The following PEBP4 variants were observed in gnomAD, a reference collection of about 807,000 sequenced individuals.
PEBP4 encodes phosphatidylethanolamine binding protein 4, also known as phosphatidylethanolamine-binding protein 4.
Under a neutral mutation model 23.9 loss-of-function variants are expected in PEBP4, and 22 were observed. That is an observed-to-expected ratio of 0.92 (90% CI 0.66 to 1.31). PEBP4 has a LOEUF of 1.31. Ranked by LOEUF, PEBP4 falls within the 40% of genes most tolerant of loss-of-function variation. The probability of loss-of-function intolerance (pLI) is 0.00; values close to 1 mark genes in which losing one functional copy is unlikely to be tolerated. For synonymous variants in PEBP4, 112 were observed against 99.3 expected (o/e 1.13, Z -0.76); for missense variants, 324 against 281.7 (o/e 1.15, Z -1.07).
chr8:22,813,237 G>A (rs1360335750), intron 4 of PEBP4, among the ~76,000 whole-genome samples: 1 of 152,162 alleles, frequency 6.6e-6, no homozygotes, highest in Admixed American at 6.5e-5. Context: ...AGTTGCCAAA[G>A]GTTGAGGGCA....
At chr8:22,868,249 T>C (rs1186734725) in intron 3 of PEBP4, among the ~76,000 whole-genome samples, 2 of 152,168 alleles carry the variant, frequency 1.3e-5, no homozygotes, top group Non-Finnish European at 2.9e-5. Flanking sequence ...TTCTTACTGC[T>C]TTTTAGTAGT....
chr8:22,817,033 C>T (rs1806757444), intron 4 of PEBP4, among the ~76,000 whole-genome samples: 1 of 152,214 alleles, frequency 6.6e-6, no homozygotes. Flanking sequence ...CACAAACAAG[C>T]CACCAGATTT....
rs1209106841 is a variant in PEBP4 at position 22,898,405 on chromosome 8, A to C, written c.258+21779T>G. 1.0e-3 allele frequency among the ~76,000 whole-genome samples: 142 copies of C among 140,636 alleles called. 3 individuals carry two copies. Among genetic ancestry groups the C allele is most frequent in the African/African-American group, 3.0e-3 (110 of 37,138 alleles). The allele number at this position is 140,636 out of a possible 152,430, so 92.3% of individuals were successfully genotyped here. A position where few individuals can be genotyped will look rare whatever the true frequency, so the allele number is the denominator to read the frequency against. ...AGACTCCACCCCAAAAAAAAAAAAA[A>C]AAAAAAAAAAAAAAAAAAAAAAAAA... On this transcript the variant is annotated intron_variant, in intron 3 of 6. Coordinates refer to ENST00000256404, the MANE Select transcript of PEBP4 (RefSeq NM_144962.3).
intron 3 of PEBP4, among the ~76,000 whole-genome samples, chr8:22,873,307 A>G (rs1276435523): frequency 6.6e-6 from 1 of 152,162 alleles, no homozygotes; most frequent in Non-Finnish European, 1.5e-5. Context: ...TTTTCCATTT[A>G]CGTTAAGTTC....
At chr8:22,723,965 G>GGAAAT (rs1453694792) in intron 6 of PEBP4, among the ~76,000 whole-genome samples, 1 of 152,200 alleles carries the variant, frequency 6.6e-6, no homozygotes, top group African/African-American at 2.4e-5. Flanking sequence ...CTGGGTGAGA[G>GGAAAT]GAAATGGCTG....
chr8:22,860,667 G>C (rs1807757615), intron 3 of PEBP4, among the ~76,000 whole-genome samples: 1 of 152,128 alleles, frequency 6.6e-6, no homozygotes, highest in Non-Finnish European at 1.5e-5. Flanking sequence ...TATCTTCAAA[G>C]CTTAAAACCC....
chr8:22,822,674 C>T (rs1403590778), intron 3 of PEBP4, among the ~76,000 whole-genome samples: 1 of 151,632 alleles, frequency 6.6e-6, no homozygotes, highest in Non-Finnish European at 1.5e-5. Flanking sequence ...TAATAATAGT[C>T]CTAAAGTATA....
intron 4 of PEBP4, among the ~76,000 whole-genome samples, chr8:22,751,230 C>T (rs1454382639): frequency 6.6e-6 from 1 of 152,094 alleles, no homozygotes; most frequent in Non-Finnish European, 1.5e-5. Context: ...TAAGATCCCA[C>T]GAGTAGGAGA....
chr8:22,918,070 T>G (rs746805330), intron 3 of PEBP4, among the ~76,000 whole-genome samples: 1 of 152,236 alleles, frequency 6.6e-6, no homozygotes, highest in Non-Finnish European at 1.5e-5. Context: ...GTTGACTTTT[T>G]GTCACATGCC....
intron 4 of PEBP4, among the ~76,000 whole-genome samples, chr8:22,750,102 A>G (rs1038321700): frequency 4.6e-5 from 7 of 151,124 alleles, no homozygotes; most frequent in Non-Finnish European, 1.0e-4. Flanking sequence ...CACCGCACCC[A>G]GCCTTTCTTT....
At chr8:22,736,684 T>G (rs1481829267) in intron 4 of PEBP4, among the ~76,000 whole-genome samples, 1 of 152,244 alleles carries the variant, frequency 6.6e-6, no homozygotes, top group Non-Finnish European at 1.5e-5. Flanking sequence ...TACTATGCAC[T>G]GATATCACTT....
chr8:22,931,939 T>C (rs556800892), upstream of PEBP4, among the ~76,000 whole-genome samples: 8 of 152,350 alleles, frequency 5.3e-5, no homozygotes, highest in East Asian at 1.5e-3. Flanking sequence ...CTTGCTAACA[T>C]CTTCAATTTC....
At chr8:22,938,706 C>G (rs989809769) in intron 1 of PEBP4, among the ~76,000 whole-genome samples, 3 of 152,062 alleles carry the variant, frequency 2.0e-5, no homozygotes, top group Non-Finnish European at 2.9e-5. Context: ...CACTTCCCCC[C>G]CATTATAGAT....
intron 4 of PEBP4, among the ~76,000 whole-genome samples, chr8:22,795,176 T>A (rs868312085): frequency 0.28 from 20,862 of 74,016 alleles, 2,900 homozygotes; most frequent in Non-Finnish European, 0.34. Flanking sequence ...TTTTTTTTTT[T>A]TTTTTTTTTT....
intron 4 of PEBP4, among the ~76,000 whole-genome samples, chr8:22,812,246 A>G (rs778913884): frequency 1.3e-5 from 2 of 152,148 alleles, no homozygotes; most frequent in African/African-American, 2.4e-5. Context: ...CATAACTAGA[A>G]AGCAGGGAGC....
intron 3 of PEBP4, chr8:22,885,081 A>C (rs1257004688): frequency 6.6e-6 from 1 of 152,160 alleles, no homozygotes; most frequent in Non-Finnish European, 1.5e-5. Context: ...TTTTTGCACC[A>C]AGTGGTGCAT....
chr8:22,767,527 A>C (rs1248297145), intron 4 of PEBP4, among the ~76,000 whole-genome samples: 2 of 152,210 alleles, frequency 1.3e-5, no homozygotes, highest in Non-Finnish European at 2.9e-5. Context: ...CTACGATAGA[A>C]TACTATGATT....
chr8:22,747,268 T>G (rs1010911830), intron 4 of PEBP4, among the ~76,000 whole-genome samples: 3 of 152,248 alleles, frequency 2.0e-5, no homozygotes, highest in Non-Finnish European at 4.4e-5. Context: ...AAGTGCTGGA[T>G]TCCTGGGAAG....
chr8:22,893,550 G>A (rs1808535906), intron 3 of PEBP4, among the ~76,000 whole-genome samples: 1 of 152,166 alleles, frequency 6.6e-6, no homozygotes, highest in African/African-American at 2.4e-5. Context: ...TATATTCCAT[G>A]TGTTCAAGAA....
Sources: gnomAD v4.1 joint callset for allele counts (sites outside exome capture counted in the v4.1 genomes callset) on GRCh38, gnomAD v4.1.1 for gene constraint, MANE v1.5 for transcripts, NCBI Gene and HGNC (gene_info 2026-07-23, HGNC 2026-07-21) for gene names.